Variants in KCNN2 observed in about 807,000 individuals in gnomAD.
KCNN2 encodes the protein small conductance calcium-activated potassium channel protein 2.
In KCNN2, 24 loss-of-function variants were observed where a neutral mutation model predicts 55.5. The observed-to-expected ratio is 0.43, with a 90% CI of 0.31 to 0.61. The LOEUF (loss-of-function observed/expected upper bound fraction) is 0.61, where lower values mean the gene tolerates loss of function less well. KCNN2 is among the 20% of genes least tolerant of loss of function. The probability of loss-of-function intolerance (pLI) is 0.08; values close to 1 mark genes in which losing one functional copy is unlikely to be tolerated. For missense variants in KCNN2, 754 were observed against 853.6 expected (o/e 0.88, Z 1.45); for synonymous variants, 431 against 336.1 (o/e 1.28, Z -3.09).
chr5:114,336,308 G>T (rs1756924057), intron 2 of KCNN2, among the ~76,000 whole-genome samples: 1 of 152,258 alleles, frequency 6.6e-6, no homozygotes, highest in Admixed American at 6.5e-5. Context: ...TGTATGATTT[G>T]TTCAGGAAAG....
chr5:114,141,589 CAT>C (rs1281604484), intron 1 of KCNN2, among the ~76,000 whole-genome samples: 5 of 152,118 alleles, frequency 3.3e-5, no homozygotes, highest in Admixed American at 6.6e-5. Flanking sequence ...CTGCAGTAAA[CAT>C]ATGTGTGAAT....
chr5:114,078,444 C>T (rs910144884), intron 1 of KCNN2, among the ~76,000 whole-genome samples: 6 of 152,070 alleles, frequency 3.9e-5, no homozygotes, highest in Non-Finnish European at 8.8e-5. Context: ...GTGTCATCAT[C>T]GAGTATGGCA....
At chr5:114,094,122 A>G (rs1478558373) in intron 1 of KCNN2, among the ~76,000 whole-genome samples, 2 of 152,036 alleles carry the variant, frequency 1.3e-5, no homozygotes, top group Non-Finnish European at 1.5e-5. Context: ...TGCCTTATTT[A>G]TGGGTGACCT....
At chr5:114,439,821 T>TG (rs1361509927) in intron 3 of KCNN2, among the ~76,000 whole-genome samples, 1 of 152,090 alleles carries the variant, frequency 6.6e-6, no homozygotes, top group East Asian at 1.9e-4. Flanking sequence ...GGGTGGGGTG[T>TG]GTGCTTGGTG....
At chr5:114,273,727 C>A (rs1580681977) in intron 2 of KCNN2, among the ~76,000 whole-genome samples, 1 of 151,938 alleles carries the variant, frequency 6.6e-6, no homozygotes, top group African/African-American at 2.4e-5. Flanking sequence ...TGTTTTAGTT[C>A]TTTGTAGATT....
At chr5:114,342,962 T>G (rs941152193) in intron 2 of KCNN2, among the ~76,000 whole-genome samples, 1 of 152,192 alleles carries the variant, frequency 6.6e-6, no homozygotes, top group African/African-American at 2.4e-5. Context: ...AGCCAGGTCT[T>G]AAGCCCAGCA....
At chr5:114,149,651 G>A (rs1752474610) in intron 1 of KCNN2, among the ~76,000 whole-genome samples, 1 of 152,158 alleles carries the variant, frequency 6.6e-6, no homozygotes, top group African/African-American at 2.4e-5. Context: ...CAGAAGTACA[G>A]TATACAGAGA....
chr5:114,278,959 C>G (rs961924506), intron 2 of KCNN2, among the ~76,000 whole-genome samples: 3 of 152,164 alleles, frequency 2.0e-5, no homozygotes, highest in Admixed American at 6.5e-5. Flanking sequence ...ATCAATCTCC[C>G]TGGGAGCTGC....
At chr5:114,089,836 A>T (rs1580502051) in intron 1 of KCNN2, among the ~76,000 whole-genome samples, 2 of 152,226 alleles carry the variant, frequency 1.3e-5, no homozygotes, top group African/African-American at 4.8e-5. Context: ...AGAATTTAAG[A>T]CTGAGAAAAA....
intron 1 of KCNN2, among the ~76,000 whole-genome samples, chr5:114,099,068 A>G (rs1158488761): frequency 6.6e-6 from 1 of 152,146 alleles, no homozygotes; most frequent in Non-Finnish European, 1.5e-5. Context: ...CTTTTCTCCA[A>G]AGGATTGACT....
chr5:114,250,314 G>A (rs964037364), intron 2 of KCNN2, among the ~76,000 whole-genome samples: 7 of 152,140 alleles, frequency 4.6e-5, no homozygotes, highest in African/African-American at 1.4e-4. Flanking sequence ...TAGAACTGGG[G>A]AACTTGACAG....
At chr5:114,301,214 C>T (rs763621354) in intron 2 of KCNN2, among the ~76,000 whole-genome samples, 3 of 152,010 alleles carry the variant, frequency 2.0e-5, no homozygotes, top group Admixed American at 6.6e-5. Flanking sequence ...TGTTTATTAG[C>T]TCTGTAACCT....
intron 2 of KCNN2, among the ~76,000 whole-genome samples, chr5:114,261,129 G>A (rs1755100904): frequency 6.6e-6 from 1 of 152,112 alleles, no homozygotes; most frequent in Admixed American, 6.6e-5. Flanking sequence ...AACATTTGAA[G>A]TGCCCACTCA....
intron 3 of KCNN2, among the ~76,000 whole-genome samples, chr5:114,409,945 C>T (rs1394679609): frequency 6.6e-6 from 1 of 152,020 alleles, no homozygotes; most frequent in Non-Finnish European, 1.5e-5. Context: ...ATTTCTGTGG[C>T]CTACATTTGT....
intron 1 of KCNN2, among the ~76,000 whole-genome samples, chr5:114,146,506 T>C (rs1372594861): frequency 1.3e-5 from 2 of 152,206 alleles, no homozygotes; most frequent in African/African-American, 4.8e-5. Context: ...GTTTTTAACA[T>C]GAGAAGTGGC....
intron 2 of KCNN2, among the ~76,000 whole-genome samples, chr5:114,325,773 G>C (rs1419820318): frequency 1.3e-5 from 2 of 152,180 alleles, no homozygotes; most frequent in East Asian, 3.8e-4. Context: ...TCTGTGCCCT[G>C]GTCTGGGGTG....
intron 1 of KCNN2, among the ~76,000 whole-genome samples, chr5:114,166,586 T>A (rs566975652): frequency 1.1e-4 from 17 of 152,218 alleles, no homozygotes; most frequent in African/African-American, 4.1e-4. Context: ...TTCAAGGAAG[T>A]CATAAAAGGT....
At chr5:114,214,350 G>C (rs1328497398) in intron 1 of KCNN2, among the ~76,000 whole-genome samples, 1 of 151,852 alleles carries the variant, frequency 6.6e-6, no homozygotes, top group African/African-American at 2.4e-5. Context: ...GCTATCGTTT[G>C]TCCACCCATG....
chr5:114,098,507 T>C, intron 1 of KCNN2, among the ~76,000 whole-genome samples: 1 of 152,106 alleles, frequency 6.6e-6, no homozygotes, highest in Non-Finnish European at 1.5e-5. Context: ...TATTGTGAAC[T>C]GTGCATGTGA....
Sources: allele counts gnomAD v4.1 joint callset (sites outside exome capture counted in the v4.1 genomes callset), GRCh38; gene constraint gnomAD v4.1.1; transcripts MANE v1.5; gene names NCBI Gene and HGNC (gene_info 2026-07-23, HGNC 2026-07-21).